The following CNTN4 variants were observed in gnomAD, a reference collection of about 807,000 sequenced individuals.
CNTN4 encodes the protein contactin-4.
Under a neutral mutation model 122.5 loss-of-function variants are expected in CNTN4, and 77 were observed. The observed-to-expected ratio is 0.63, with a 90% CI of 0.52 to 0.76. The LOEUF (loss-of-function observed/expected upper bound fraction) is 0.76. CNTN4 is among the 30% of genes least tolerant of loss of function. CNTN4 has a pLI of 0.00. For synonymous variants in CNTN4, 512 were observed against 447.0 expected (o/e 1.15, Z -1.83); for missense variants, 1,256 against 1,259.1 (o/e 1.00, Z 0.04).
At chr3:2,680,104 G>A (rs1318843235) in intron 4 of CNTN4, among the ~76,000 whole-genome samples, 11 of 152,152 alleles carry the variant, frequency 7.2e-5, no homozygotes, top group African/African-American at 1.9e-4. Context: ...GGGTGAAAGT[G>A]AATCCCTGCC....
chr3:2,398,175 G>A (rs150065899), intron 3 of CNTN4, among the ~76,000 whole-genome samples: 254 of 152,178 alleles, frequency 1.7e-3, no homozygotes, highest in African/African-American at 5.8e-3. Context: ...AAATAACAGT[G>A]CATCAAAAAT....
At chr3:2,372,801 G>A (rs2045680704) in intron 3 of CNTN4, among the ~76,000 whole-genome samples, 2 of 152,022 alleles carry the variant, frequency 1.3e-5, no homozygotes, top group African/African-American at 2.4e-5. Flanking sequence ...CTATAATTTC[G>A]GCACTTTGGG....
intron 4 of CNTN4, among the ~76,000 whole-genome samples, chr3:2,725,275 A>T (rs1005156950): frequency 2.0e-5 from 3 of 152,132 alleles, no homozygotes; most frequent in African/African-American, 7.2e-5. Context: ...ATGATTGTAG[A>T]TCACCTGCAT....
chr3:2,241,656 A>T (rs1261642872), intron 2 of CNTN4, among the ~76,000 whole-genome samples: 1 of 152,196 alleles, frequency 6.6e-6, no homozygotes, highest in Non-Finnish European at 1.5e-5. Flanking sequence ...GCTCATCCAG[A>T]ACACATTGCT....
At chr3:2,838,560 T>TAAAAA (rs11394928) in intron 7 of CNTN4, among the ~76,000 whole-genome samples, 5 of 127,934 alleles carry the variant, frequency 3.9e-5, no homozygotes, top group South Asian at 2.5e-4. Context: ...CTATGGTTTG[T>TAAAAA]AAAAAAAAAA....
At chr3:2,457,871 G>A (rs1390985544) in intron 3 of CNTN4, among the ~76,000 whole-genome samples, 1 of 152,118 alleles carries the variant, frequency 6.6e-6, no homozygotes, top group East Asian at 1.9e-4. Flanking sequence ...AGTTGAGAAA[G>A]CACAGATAAC....
chr3:2,332,188 C>A (rs887442481), intron 2 of CNTN4, among the ~76,000 whole-genome samples: 1 of 152,142 alleles, frequency 6.6e-6, no homozygotes, highest in African/African-American at 2.4e-5. Context: ...GGCCACAATG[C>A]CAACTACAGC....
At chr3:2,113,767 T>C (rs188039220) in intron 2 of CNTN4, among the ~76,000 whole-genome samples, 1 of 152,158 alleles carries the variant, frequency 6.6e-6, no homozygotes, top group Non-Finnish European at 1.5e-5. Context: ...GCTTTGAAAA[T>C]CACTGGAGGG....
intron 23 of CNTN4, among the ~76,000 whole-genome samples, chr3:3,049,787 G>A (rs539915014): frequency 6.6e-6 from 1 of 152,330 alleles, no homozygotes; most frequent in African/African-American, 2.4e-5. Flanking sequence ...AAGGTCCAGA[G>A]GTAGGCATGT....
chr3:2,836,912 T>C (rs1286863254), intron 7 of CNTN4, among the ~76,000 whole-genome samples: 2 of 152,004 alleles, frequency 1.3e-5, no homozygotes, highest in Non-Finnish European at 2.9e-5. Flanking sequence ...ACTTAAAGTA[T>C]AATAATAAAA....
intron 4 of CNTN4, among the ~76,000 whole-genome samples, chr3:2,640,214 G>T (rs1432914037): frequency 6.6e-6 from 1 of 152,178 alleles, no homozygotes; most frequent in East Asian, 1.9e-4. Flanking sequence ...AGTATGACAA[G>T]TTGAAGAGTC....
intron 4 of CNTN4, among the ~76,000 whole-genome samples, chr3:2,695,136 T>C (rs1182148855): frequency 1.3e-5 from 2 of 152,088 alleles, no homozygotes; most frequent in African/African-American, 2.4e-5. Flanking sequence ...GTTTCCAGTA[T>C]AGGAATATCT....
intron 2 of CNTN4, among the ~76,000 whole-genome samples, chr3:2,205,996 G>C (rs965405743): frequency 6.6e-6 from 1 of 152,072 alleles, no homozygotes; most frequent in Admixed American, 6.6e-5. Flanking sequence ...ATACTCGGAA[G>C]GGTATTCCAG....
At chr3:2,310,074 A>G (rs1182115571) in intron 2 of CNTN4, among the ~76,000 whole-genome samples, 1 of 152,152 alleles carries the variant, frequency 6.6e-6, no homozygotes, top group African/African-American at 2.4e-5. Flanking sequence ...TCAGACTCCA[A>G]TCAAATACTG....
chr3:2,731,841 A>G (rs150168288), intron 4 of CNTN4, among the ~76,000 whole-genome samples: 4 of 152,366 alleles, frequency 2.6e-5, no homozygotes, highest in Middle Eastern at 3.4e-3. Context: ...AAGACAAACT[A>G]TAACTATAGG....
chr3:2,296,657 A>G (rs2042323110), intron 2 of CNTN4, among the ~76,000 whole-genome samples: 1 of 152,182 alleles, frequency 6.6e-6, no homozygotes, highest in Non-Finnish European at 1.5e-5. Context: ...GCAAATACAA[A>G]GAGCAACACT....
At chr3:2,917,299 G>A (rs946316679) in intron 12 of CNTN4, among the ~76,000 whole-genome samples, 11 of 151,526 alleles carry the variant, frequency 7.3e-5, no homozygotes, top group African/African-American at 1.9e-4. Flanking sequence ...AGCGGGAGGC[G>A]GAGACGAGGC....
chr3:3,046,233 G>A (rs918195106), intron 23 of CNTN4, among the ~76,000 whole-genome samples: 25 of 152,158 alleles, frequency 1.6e-4, no homozygotes, highest in African/African-American at 4.3e-4. Context: ...AACTTCCCCA[G>A]CCTAGCAAGG....
At chr3:3,047,425 G>A (rs1574928471) in intron 23 of CNTN4, among the ~76,000 whole-genome samples, 1 of 152,232 alleles carries the variant, frequency 6.6e-6, no homozygotes, top group Admixed American at 6.5e-5. Flanking sequence ...ACAACAAACT[G>A]TCTCTCAGAC....
Sources: gnomAD v4.1 joint callset for allele counts (sites outside exome capture counted in the v4.1 genomes callset) on GRCh38, gnomAD v4.1.1 for gene constraint, MANE v1.5 for transcripts, NCBI Gene and HGNC (gene_info 2026-07-23, HGNC 2026-07-21) for gene names.